The following SBF2 variants were observed in gnomAD, a reference collection of about 807,000 sequenced individuals.
SBF2 encodes the protein myotubularin-related protein 13.
A neutral mutation model predicts 225.2 loss-of-function variants in SBF2; 112 were observed. The ratio of observed to expected loss-of-function variants is 0.50; its 90% CI spans 0.43 to 0.58. The LOEUF (loss-of-function observed/expected upper bound fraction) is 0.58. Among genes scored for constraint, SBF2 ranks in the 20% least tolerant of loss-of-function variants. The probability of loss-of-function intolerance (pLI) is 0.00; values close to 1 mark genes in which losing one functional copy is unlikely to be tolerated. For synonymous variants in SBF2, 763 were observed against 773.3 expected, an observed-to-expected ratio of 0.99 and a Z score of 0.22; for missense variants, 1,996 against 2,206.2, an observed-to-expected ratio of 0.90 and a Z score of 1.91.
chr11:9,967,969 C>CTATA (rs1301230760), intron 14 of SBF2, among the ~76,000 whole-genome samples: 193 of 87,380 alleles, frequency 2.2e-3, no homozygotes, highest in African/African-American at 2.7e-3. Flanking sequence ...CTCTCTCTCT[C>CTATA]TCTATATATA....
rs547910374 is a variant in SBF2 at position 10,131,476 on chromosome 11, C to A, written c.141+62426G>T. On this transcript the variant is annotated intron_variant, in intron 2 of 39. Transcript: ENST00000256190. ...ATTCTCTTGTTTTGCTCTTGTTGCC[C>A]AGGCTGGAGTGCAATGCTGTGACCT... 5.9e-5 allele frequency among the ~76,000 whole-genome samples: 9 copies of A among 152,204 alleles called. No homozygotes were observed. The East Asian group carries it at 1.7e-3, about 29-fold the overall frequency.
intron 2 of SBF2, among the ~76,000 whole-genome samples, chr11:10,106,046 T>C (rs1952533759): frequency 6.6e-6 from 1 of 152,170 alleles, no homozygotes; most frequent in Admixed American, 6.5e-5. Flanking sequence ...TTATTACTAT[T>C]TTAGACTCAG....
At chr11:10,185,669 A>T (rs1215812392) in intron 2 of SBF2, among the ~76,000 whole-genome samples, 2 of 148,042 alleles carry the variant, frequency 1.4e-5, no homozygotes, top group Non-Finnish European at 1.5e-5. Flanking sequence ...ATAGTATCTT[A>T]TGGTGGCTTT....
chr11:10,055,851 A>G (rs1950238311), intron 2 of SBF2, among the ~76,000 whole-genome samples: 2 of 152,196 alleles, frequency 1.3e-5, no homozygotes, highest in South Asian at 4.1e-4. Flanking sequence ...GGTAATGGGT[A>G]TACTAAAATC....
At chr11:9,845,799 C>T (rs960798900) in intron 23 of SBF2, 59 bp from the exon 24 acceptor site, 1 of 1,508,826 alleles carries the variant, frequency 6.6e-7, no homozygotes, top group Non-Finnish European at 9.2e-7. Flanking sequence ...GCAACTTTCC[C>T]CCAAACAACA....
intron 4 of SBF2, among the ~76,000 whole-genome samples, chr11:10,030,444 T>C (rs1949212565): frequency 1.3e-5 from 2 of 152,196 alleles, no homozygotes; most frequent in Admixed American, 1.3e-4. Flanking sequence ...GAGTTACGCA[T>C]TGTCATTGAA....
At chr11:10,079,281 A>G (rs1019181834) in intron 2 of SBF2, among the ~76,000 whole-genome samples, 9 of 152,220 alleles carry the variant, frequency 5.9e-5, no homozygotes, top group Admixed American at 3.9e-4. Flanking sequence ...ATTAGAAAAT[A>G]AATTCAGGAT....
intron 16 of SBF2, among the ~76,000 whole-genome samples, chr11:9,923,838 C>A (rs560871449): frequency 4.6e-5 from 7 of 152,150 alleles, no homozygotes; most frequent in Non-Finnish European, 8.8e-5. Context: ...GCAATAAAAT[C>A]CAAACTAAGA....
intron 17 of SBF2, among the ~76,000 whole-genome samples, chr11:9,863,242 A>C (rs1857909098): frequency 6.6e-6 from 1 of 152,196 alleles, no homozygotes; most frequent in Non-Finnish European, 1.5e-5. Context: ...AAAGGATGCA[A>C]ATCATCTGAG....
rs141636904 is a variant in SBF2, at chr11:10,085,930, T to C, written c.142-42949A>G. On this transcript the variant is annotated intron_variant, in intron 2 of 39. Coordinates refer to ENST00000256190, the MANE Select transcript of SBF2 (RefSeq NM_030962.4). ...ACATATGTGATACTTTGGTTCCGTT[T>C]CTAACAGATTAATAGTATGTCAGCT... 1.0e-3 allele frequency among the ~76,000 whole-genome samples: 154 copies of C among 151,910 alleles called. 2 individuals carry two copies. In the East Asian group the frequency reaches 0.023, roughly 22 times the overall value.
chr11:10,287,959 T>C (rs11820484), intron 1 of SBF2, among the ~76,000 whole-genome samples: 2,979 of 152,322 alleles, frequency 0.02, 99 homozygotes, highest in African/African-American at 0.068. Context: ...GGTGGGCAGC[T>C]CCAGGTGCTG....
At chr11:10,050,982 G>C (rs547757836) in intron 2 of SBF2, among the ~76,000 whole-genome samples, 2 of 152,242 alleles carry the variant, frequency 1.3e-5, no homozygotes, top group African/African-American at 4.8e-5. Context: ...TAAATGAGCA[G>C]TCAGATATTT....
chr11:9,807,008 C>T (rs1479769301), intron 32 of SBF2, among the ~76,000 whole-genome samples: 1 of 152,230 alleles, frequency 6.6e-6, no homozygotes. Context: ...AACTTGGTGT[C>T]ATCACAGTTA....
chr11:10,014,234 G>A (rs188540834), intron 6 of SBF2, among the ~76,000 whole-genome samples: 26 of 152,134 alleles, frequency 1.7e-4, no homozygotes, highest in Admixed American at 1.7e-3. Context: ...GCCTATAGAT[G>A]GAGCTAGGAA....
In SBF2 at chr11:9,786,798, C is replaced by A. The variant is rs1852402467; in HGVS notation, c.5037+836G>T. ...AGGTGTGTACTGTACTAAGCACAGA[C>A]CCTTCCACATATTATGTGCTTGATA... is the stretch of plus-strand genomic sequence containing the variant. On this transcript the variant is annotated intron_variant, in intron 36 of 39. Coordinates refer to ENST00000256190, the MANE Select transcript of SBF2 (RefSeq NM_030962.4). 2.0e-5 allele frequency among the ~76,000 whole-genome samples: 3 copies of A among 152,308 alleles called. No homozygotes were observed. The South Asian group carries it at 6.2e-4, about 32-fold the overall frequency.
intron 33 of SBF2, among the ~76,000 whole-genome samples, chr11:9,795,265 G>A (rs995428678): frequency 6.6e-6 from 1 of 152,214 alleles, no homozygotes; most frequent in Non-Finnish European, 1.5e-5. Flanking sequence ...ATGCGCTAGT[G>A]ATTGGGCTAA....
chr11:9,914,153 G>C (rs1391590093), intron 16 of SBF2, among the ~76,000 whole-genome samples: 1 of 152,140 alleles, frequency 6.6e-6, no homozygotes, highest in Non-Finnish European at 1.5e-5. Flanking sequence ...TATCAGACCA[G>C]GAATTTAAAA....
chr11:10,173,499 G>C (rs1956309925), intron 2 of SBF2, among the ~76,000 whole-genome samples: 1 of 152,196 alleles, frequency 6.6e-6, no homozygotes, highest in Non-Finnish European at 1.5e-5. Flanking sequence ...CCACCTGGCT[G>C]GGAGGGTCCT....
intron 16 of SBF2, chr11:9,958,914 G>A (rs1029601948): frequency 4.4e-6 from 3 of 679,522 alleles, no homozygotes; most frequent in East Asian, 2.6e-5. Flanking sequence ...TGGGCTATAA[G>A]AGCAGAAAAG....
Sources: gnomAD v4.1 joint callset for allele counts (sites outside exome capture counted in the v4.1 genomes callset) on GRCh38, gnomAD v4.1.1 for gene constraint, MANE v1.5 for transcripts, NCBI Gene and HGNC (gene_info 2026-07-23, HGNC 2026-07-21) for gene names.